The following ENTPD1 variants were observed in gnomAD, a reference collection of about 807,000 sequenced individuals.
The protein encoded by ENTPD1 is ATP diphosphohydrolase.
A neutral mutation model predicts 57.0 loss-of-function variants in ENTPD1; 33 were observed. The ratio of observed to expected loss-of-function variants is 0.58; its 90% confidence interval spans 0.44 to 0.77. ENTPD1 has a LOEUF of 0.77. Ranked by LOEUF, ENTPD1 falls within the 30% of genes least tolerant of loss-of-function variation. The pLI, the probability that ENTPD1 is intolerant of heterozygous loss-of-function variation, is 0.00. For synonymous variants in ENTPD1, 202 were observed against 218.8 expected (o/e 0.92, Z 0.68); for missense variants, 501 against 603.4 (o/e 0.83, Z 1.78).
upstream of ENTPD1, chr10:95,754,464 T>G (rs1033416053): frequency 1.3e-5 from 2 of 152,228 alleles, no homozygotes; most frequent in Middle Eastern, 3.2e-3. Flanking sequence ...GATCTTCCCT[T>G]TGATCATTCT....
chr10:95,868,134 C>T lies in ENTPD1; in HGVS notation c.*1751C>T, dbSNP rs2141017457. The T allele has an allele frequency of 9.1e-6, 9 of 984,600 alleles. No individual in the cohort carries two copies. The highest frequency in any genetic ancestry group is 5.2e-4 in the Middle Eastern group (1 of 1,914). The allele number at this position is 984,600 out of a possible 1,614,324, so 61.0% of individuals were successfully genotyped here. A position where few individuals can be genotyped will look rare whatever the true frequency, so the allele number is the denominator to read the frequency against. ...AACAATCTGAAGAAGGTAGGTATTA[C>T]AATTCCCACTTCATAGAAACAGAAA... On this transcript the variant is annotated 3_prime_UTR_variant, in exon 10 of 10. Transcript: ENST00000371205.
Position 95,860,565 on chromosome 10 carries a change from G to A in ENTPD1, c.1171G>A (p.Ala391Thr), listed in dbSNP as rs1167731354. ...GACTGAGATGATGAAAAAGTTCTGT[G>A]CTCAGCCTTGGGAGGAGGTAAGTGA... ...KVTEMMKKFC[A>T]QPWEEIKTSY... is the part of the protein sequence containing the mutation. The change falls in exon 8 of 10, where the codon GCT becomes ACT. Residue 391 changes from alanine (A) to threonine (T), a missense_variant. Transcript: ENST00000371205. 1 of 1,613,746 alleles carries A rather than the reference G, an allele frequency of 6.2e-7. No homozygotes were observed.
intron 2 of ENTPD1, among the ~76,000 whole-genome samples, chr10:95,832,863 C>T (rs2098400558): frequency 1.3e-5 from 2 of 152,112 alleles, no homozygotes; most frequent in South Asian, 2.1e-4. Flanking sequence ...ATTGTCAGAG[C>T]GATGAGCACA....
chr10:95,780,345 G>A (rs1473289020), intron 1 of ENTPD1, among the ~76,000 whole-genome samples: 1 of 152,128 alleles, frequency 6.6e-6, no homozygotes, highest in Non-Finnish European at 1.5e-5. Flanking sequence ...ATGTATATTT[G>A]TATAGACAGT....
chr10:95,763,016 T>C (rs952678200), intron 1 of ENTPD1, among the ~76,000 whole-genome samples: 2 of 152,182 alleles, frequency 1.3e-5, no homozygotes, highest in African/African-American at 2.4e-5. Context: ...AATCAACTTA[T>C]GTGCATGCTT....
At chr10:95,821,235 T>C (rs1326010298) in intron 1 of ENTPD1, among the ~76,000 whole-genome samples, 7 of 152,172 alleles carry the variant, frequency 4.6e-5, no homozygotes, top group Admixed American at 2.0e-4. Flanking sequence ...ATCCAGATGT[T>C]TTAGCTTCAA....
chr10:95,797,058 G>A (rs983359610), intron 1 of ENTPD1, among the ~76,000 whole-genome samples: 3 of 152,036 alleles, frequency 2.0e-5, no homozygotes, highest in Non-Finnish European at 4.4e-5. Flanking sequence ...GGGTTACAGA[G>A]CAAGACTCTA....
At chr10:95,729,776 C>G (rs1468278816) in intron 1 of ENTPD1, among the ~76,000 whole-genome samples, 1 of 152,182 alleles carries the variant, frequency 6.6e-6, no homozygotes, top group African/African-American at 2.4e-5. Context: ...AACAATCTCC[C>G]TTCCCCTAAT....
At chr10:95,812,773 T>A (rs919436536) in intron 1 of ENTPD1, among the ~76,000 whole-genome samples, 11 of 152,334 alleles carry the variant, frequency 7.2e-5, no homozygotes, top group Admixed American at 3.3e-4. Context: ...TTTAAAAAAT[T>A]TTGGCCATTC....
At chr10:95,863,010 G>T (rs774121075) in intron 8 of ENTPD1, among the ~76,000 whole-genome samples, 2 of 152,212 alleles carry the variant, frequency 1.3e-5, no homozygotes, top group Non-Finnish European at 2.9e-5. Flanking sequence ...AGAGAGAGGA[G>T]AGAGGAGAGT....
intron 1 of ENTPD1, among the ~76,000 whole-genome samples, chr10:95,820,727 C>G (rs976169828): frequency 4.6e-5 from 7 of 152,212 alleles, no homozygotes; most frequent in Non-Finnish European, 7.3e-5. Context: ...GTCACTCTAT[C>G]AAGTTCCTTG....
chr10:95,781,143 A>G (rs1173433194), intron 1 of ENTPD1, among the ~76,000 whole-genome samples: 1 of 152,222 alleles, frequency 6.6e-6, no homozygotes, highest in Non-Finnish European at 1.5e-5. Context: ...GTTAAGTGAA[A>G]TAAGTCAGGC....
intron 1 of ENTPD1, among the ~76,000 whole-genome samples, chr10:95,813,782 T>C (rs950699296): frequency 2.0e-5 from 3 of 152,192 alleles, no homozygotes; most frequent in Non-Finnish European, 2.9e-5. Context: ...CTAAATTTTG[T>C]ACCTCATTGG....
chr10:95,694,521 A>C, the ENTPD1 span, among the ~76,000 whole-genome samples: 1 of 152,144 alleles, frequency 6.6e-6, no homozygotes, highest in East Asian at 1.9e-4. Context: ...CAAATCATTA[A>C]AGATGGACTG....
chr10:95,750,729 A>G (rs1271220445), upstream of ENTPD1, among the ~76,000 whole-genome samples: 2 of 152,350 alleles, frequency 1.3e-5, no homozygotes, highest in East Asian at 1.9e-4. Flanking sequence ...TAGCTTGTAT[A>G]CATTCAGAGT....
At chr10:95,722,598 A>T (rs2097978733) in intron 1 of ENTPD1, among the ~76,000 whole-genome samples, 2 of 148,196 alleles carry the variant, frequency 1.3e-5, no homozygotes, top group Admixed American at 1.4e-4. Context: ...TTGAACAAAG[A>T]GAACACATGG....
chr10:95,839,089 A>G (rs2098417232), intron 2 of ENTPD1, among the ~76,000 whole-genome samples: 1 of 152,238 alleles, frequency 6.6e-6, no homozygotes, highest in Non-Finnish European at 1.5e-5. Context: ...CTCTGCATTT[A>G]TTGAACTAAA....
intron 1 of ENTPD1, among the ~76,000 whole-genome samples, chr10:95,790,284 T>C (rs940942022): frequency 2.6e-5 from 4 of 152,250 alleles, no homozygotes; most frequent in African/African-American, 7.2e-5. Flanking sequence ...TTTTCTTTTA[T>C]GTAGCTTACT....
intron 2 of ENTPD1, among the ~76,000 whole-genome samples, chr10:95,825,788 C>G (rs889848154): frequency 1.3e-5 from 2 of 152,156 alleles, no homozygotes; most frequent in East Asian, 1.9e-4. Context: ...CCATGTTAGC[C>G]AGGATGGTCT....
Sources: allele counts gnomAD v4.1 joint callset (sites outside exome capture counted in the v4.1 genomes callset), GRCh38; gene constraint gnomAD v4.1.1; transcripts MANE v1.5; gene names NCBI Gene and HGNC (gene_info 2026-07-23, HGNC 2026-07-21).